Variants in DIXDC1 observed in about 807,000 individuals in gnomAD.
DIXDC1 encodes the protein dixin.
In DIXDC1, 64 loss-of-function variants were observed where a neutral mutation model predicts 103.1. The ratio of observed to expected loss-of-function variants is 0.62; its 90% CI spans 0.51 to 0.76. The LOEUF is 0.76. Among genes scored for constraint, DIXDC1 ranks in the 30% least tolerant of loss-of-function variants. The pLI, the probability that DIXDC1 is intolerant of heterozygous loss-of-function variation, is 0.00. For missense variants in DIXDC1, 759 were observed against 834.2 expected (o/e 0.91, Z 1.11); for synonymous variants, 266 against 298.5 (o/e 0.89, Z 1.12).
intron 5 of DIXDC1, chr11:111,975,460 C>T: frequency 4.0e-6 from 4 of 1,004,468 alleles, no homozygotes; most frequent in Non-Finnish European, 4.8e-6. Context: ...GGAACTGTGG[C>T]TGATTAGTAT....
chr11:111,937,503 C>CTAG lies in DIXDC1; in HGVS notation c.5_7dup (p.Leu2_Ala3insVal). ...CGGGGAGCCCCCAGCAGGAACAATG[C>CTAG]TAGCCTGCCTGACCCGAGGGAACTT... On this transcript the variant is annotated inframe_insertion, in exon 1 of 20. Coordinates refer to ENST00000440460, the MANE Select transcript of DIXDC1 (RefSeq NM_001037954.4). The CTAG allele has an allele frequency of 2.5e-6, 4 of 1,589,096 alleles. No homozygotes were observed. Among genetic ancestry groups the CTAG allele is most frequent in the Non-Finnish European group, 3.4e-6 (4 of 1,168,212 alleles).
intron 5 of DIXDC1, 90 bp downstream of exon 5, chr11:111,975,073 C>T: frequency 6.5e-7 from 1 of 1,536,902 alleles, no homozygotes; most frequent in Non-Finnish European, 8.8e-7. Context: ...GGCACCTAAG[C>T]CCTTTTTCTC....
intron 17 of DIXDC1, among the ~76,000 whole-genome samples, chr11:112,004,834 T>G (rs782237809): frequency 1.6e-4 from 24 of 152,174 alleles, no homozygotes; most frequent in Non-Finnish European, 3.2e-4. Context: ...CAATCCCAGC[T>G]CAGCTTCTGA....
chr11:111,999,018 G>A (rs1860986611), intron 17 of DIXDC1, among the ~76,000 whole-genome samples: 1 of 152,212 alleles, frequency 6.6e-6, no homozygotes, highest in African/African-American at 2.4e-5. Context: ...GGGCAAGAAT[G>A]TTAATGTCAC....
At chr11:111,973,654 C>A (rs1411883000) in intron 3 of DIXDC1, among the ~76,000 whole-genome samples, 1 of 152,158 alleles carries the variant, frequency 6.6e-6, no homozygotes, top group Non-Finnish European at 1.5e-5. Context: ...ACCTGCTGTT[C>A]CCTCTTCCTG....
intron 1 of DIXDC1, among the ~76,000 whole-genome samples, chr11:111,949,716 C>T (rs117978300): frequency 0.019 from 2,961 of 152,218 alleles, 47 homozygotes; most frequent in South Asian, 0.032. Flanking sequence ...TCACCTGCTC[C>T]GCCCACACGC....
At chr11:111,954,941 A>T (rs1366788692) in intron 1 of DIXDC1, among the ~76,000 whole-genome samples, 1 of 152,168 alleles carries the variant, frequency 6.6e-6, no homozygotes, top group Non-Finnish European at 1.5e-5. Flanking sequence ...ATGTATATAT[A>T]TACATTCCAT....
chr11:111,932,101 G>A (rs2137422635), intron 2 of DIXDC1, among the ~76,000 whole-genome samples: 1 of 142,454 alleles, frequency 7.0e-6, no homozygotes, highest in East Asian at 2.1e-4. Context: ...CACGATCTCA[G>A]CTCACTGCAA....
chr11:112,014,059 T>C (rs1861512131), intron 17 of DIXDC1, among the ~76,000 whole-genome samples: 1 of 152,116 alleles, frequency 6.6e-6, no homozygotes, highest in Admixed American at 6.5e-5. Flanking sequence ...AGGGCATTAA[T>C]CTAGTCTTGA....
At chr11:111,965,967 A>G (rs1859713179) in intron 2 of DIXDC1, among the ~76,000 whole-genome samples, 1 of 152,160 alleles carries the variant, frequency 6.6e-6, no homozygotes, top group African/African-American at 2.4e-5. Flanking sequence ...TAGGTTATAC[A>G]TGGACTAGTA....
At position 112,020,738 on chromosome 11, in the gene DIXDC1, A is replaced by G. The variant is rs1555178340; in HGVS notation, c.*1702A>G. The stretch of plus-strand genomic sequence containing the variant: ...AAGGTAGTTTTGTGTAATCCAGTTG[A>G]TTGCTCCTCTGGCAGAGAGAAGGAG... On this transcript the variant is annotated 3_prime_UTR_variant, in exon 20 of 20. Coordinates refer to ENST00000440460, the MANE Select transcript of DIXDC1 (RefSeq NM_001037954.4). The G allele has an allele frequency of 6.6e-6, 1 of 152,180 alleles. No individual in the cohort carries two copies. Among genetic ancestry groups the G allele is most frequent in the Non-Finnish European group, 1.5e-5 (1 of 68,042 alleles). 9.4% of individuals were successfully genotyped at this position (152,180 alleles called of 1,614,324 possible).
chr11:111,934,470 C>A (rs1966132564), upstream of DIXDC1, among the ~76,000 whole-genome samples: 1 of 152,182 alleles, frequency 6.6e-6, no homozygotes, highest in African/African-American at 2.4e-5. Flanking sequence ...TGAATGACAG[C>A]CCTGCAGCAG....
chr11:111,977,473 C>T lies in DIXDC1; in HGVS notation c.656+2490C>T. 7.7e-7 allele frequency: 1 copy of T among 1,303,872 alleles called. No individual in the cohort carries two copies. 80.8% of individuals were successfully genotyped at this position (1,303,872 alleles called of 1,614,324 possible). ...CCAAGATGCAGCGGCCAGGGGCCGG[C>T]AGCCTGCGAGGGGAGGCAGCTTCCG... On this transcript the variant is annotated intron_variant, in intron 5 of 19. Transcript: ENST00000440460. The surrounding 1 kb of genome is among the most constrained non-coding windows in gnomAD (Gnocchi z 6.1).
chr11:111,968,706 TC>T, intron 3 of DIXDC1, 68 bp downstream of exon 3: 1 of 1,449,794 alleles, frequency 6.9e-7, no homozygotes, highest in Admixed American at 2.1e-5. Context: ...CTCAGGAAAA[TC>T]CTTGGCTGTA....
chr11:111,937,484 GC>G lies in DIXDC1; in HGVS notation c.-11del. 6.4e-7 allele frequency: 1 copy of G among 1,574,438 alleles called. No homozygotes were observed. The highest frequency in any genetic ancestry group is 8.6e-7 in the Non-Finnish European group (1 of 1,160,636). On this transcript the variant is annotated 5_prime_UTR_variant, in exon 1 of 20. Transcript: ENST00000440460. ...CCGGGCTGGAGACCCCGCCCGGGGAGCCCCCAGCAGGAACAATGCTAGCCTG... is the reference window on the plus strand; with the variant it reads ...CCGGGCTGGAGACCCCGCCCGGGGAGCCCCAGCAGGAACAATGCTAGCCTG...
chr11:111,997,848 C>CA (rs1455518691), intron 17 of DIXDC1, among the ~76,000 whole-genome samples: 4 of 152,172 alleles, frequency 2.6e-5, no homozygotes, highest in African/African-American at 7.2e-5. Context: ...ACTGTATTCA[C>CA]AAATAAGCTG....
intron 10 of DIXDC1, 27 bp from the exon 11 acceptor site, chr11:111,992,388 C>T: frequency 1.3e-6 from 2 of 1,539,102 alleles, no homozygotes; most frequent in South Asian, 1.2e-5. Context: ...ACTGAGACAA[C>T]AATAATTAGT....
chr11:112,004,963 A>T (rs1861189015), intron 17 of DIXDC1, among the ~76,000 whole-genome samples: 1 of 152,222 alleles, frequency 6.6e-6, no homozygotes, highest in Non-Finnish European at 1.5e-5. Flanking sequence ...ATTCAATAAG[A>T]AATTATGAGG....
intron 1 of DIXDC1, among the ~76,000 whole-genome samples, chr11:111,955,728 G>A (rs1038608177): frequency 2.0e-5 from 3 of 150,822 alleles, no homozygotes; most frequent in African/African-American, 4.9e-5. Flanking sequence ...CCAGCTACTC[G>A]GGAGGCTGAG....
Sources: gnomAD v4.1 joint callset for allele counts (sites outside exome capture counted in the v4.1 genomes callset) on GRCh38, gnomAD v4.1.1 for gene constraint, Gnocchi (gnomAD v3.1) non-coding constraint, MANE v1.5 for transcripts, NCBI Gene and HGNC (gene_info 2026-07-23, HGNC 2026-07-21) for gene names.